The following AGL variants were observed in gnomAD, a reference collection of about 807,000 sequenced individuals.
The protein encoded by AGL is glycogen debranching enzyme.
AGL carries 128 observed loss-of-function variants against 199.3 expected under a neutral mutation model. The ratio of observed to expected loss-of-function variants is 0.64; its 90% CI spans 0.56 to 0.74. The LOEUF is 0.74. AGL is among the 30% of genes least tolerant of loss of function. The pLI is 0.00. For synonymous variants in AGL, 584 were observed against 594.7 expected (o/e 0.98, Z 0.26); for missense variants, 1,809 against 1,820.8 (o/e 0.99, Z 0.12).
intron 12 of AGL, among the ~76,000 whole-genome samples, chr1:99,879,648 G>C (rs1651843595): frequency 6.6e-6 from 1 of 152,024 alleles, no homozygotes; most frequent in African/African-American, 2.4e-5. Flanking sequence ...CAGAATTGTA[G>C]TGTTATGATT....
At chr1:99,896,644 A>G (rs1172635199) in intron 25 of AGL, among the ~76,000 whole-genome samples, 1 of 152,162 alleles carries the variant, frequency 6.6e-6, no homozygotes, top group Non-Finnish European at 1.5e-5. Flanking sequence ...ATTTATTTCA[A>G]CAAAACTAAA....
At chr1:99,851,727 G>A (rs1320470896) in intron 2 of AGL, among the ~76,000 whole-genome samples, 2 of 152,070 alleles carry the variant, frequency 1.3e-5, no homozygotes, top group Non-Finnish European at 2.9e-5. Flanking sequence ...TTTCTACAAG[G>A]CTAGTTAATA....
At chr1:99,917,846 A>T (rs1413099629) in intron 33 of AGL, among the ~76,000 whole-genome samples, 1 of 152,136 alleles carries the variant, frequency 6.6e-6, no homozygotes, top group African/African-American at 2.4e-5. Flanking sequence ...TGCTATCATC[A>T]TCATCCATTT....
At chr1:99,891,912 AC>A (rs1652927141) in intron 23 of AGL, among the ~76,000 whole-genome samples, 173 bp downstream of exon 23, 1 of 152,152 alleles carries the variant, frequency 6.6e-6, no homozygotes, top group African/African-American at 2.4e-5. Context: ...GCATACAAAA[AC>A]AAACTTGAAT....
chr1:99,878,496 A>G (rs1651747964), intron 12 of AGL, among the ~76,000 whole-genome samples: 1 of 152,116 alleles, frequency 6.6e-6, no homozygotes, highest in African/African-American at 2.4e-5. Context: ...AGCTCTTTAC[A>G]ATAACTTCTG....
intron 10 of AGL, 95 bp from the exon 11 acceptor site, chr1:99,876,363 T>C: frequency 1.0e-6 from 1 of 959,858 alleles, no homozygotes; most frequent in Non-Finnish European, 1.5e-6. Flanking sequence ...TTTATTCTAT[T>C]CATTAGAAAA....
At position 99,915,478 on chromosome 1, in the gene AGL, A is replaced by G; in HGVS notation, c.4251A>G (p.Leu1417=). The G allele has an allele frequency of 1.9e-6, 3 of 1,605,134 alleles. No homozygotes were observed. The highest frequency in any genetic ancestry group is 2.6e-6 in the Non-Finnish European group (3 of 1,171,916). The change falls in exon 31 of 34, where the codon TTA becomes TTG. Residue 1417 remains leucine, a synonymous_variant. Transcript: ENST00000361915. ...KLLGPLGMKT[L]DPDDMVYCGI... is the part of the protein sequence containing the mutation. ...TTGGTCCCCTTGGCATGAAAACTTT[A>G]GATCCAGAGTAAGTTGGAATATAAG... is the stretch of plus-strand genomic sequence containing the variant.
Position 99,858,443 on chromosome 1 carries a change from A to G in AGL, c.83-3060A>G, listed in dbSNP as rs569460609. On this transcript the variant is annotated intron_variant, in intron 2 of 33. Transcript: ENST00000361915. ...GCAAATCTTTGCAGCTTTTCAGGCA[A>G]TGCACTCCCTATTGGAGCGACTCAA... Among the ~76,000 whole-genome samples, 12 of 152,318 alleles carry G rather than the reference A, an allele frequency of 7.9e-5. No homozygotes were observed. The East Asian group carries it at 1.3e-3, about 17-fold the overall frequency.
In AGL at chr1:99,858,973, G is replaced by A. The variant is rs186749912; in HGVS notation, c.83-2530G>A. The stretch of plus-strand genomic sequence containing the variant: ...GGAATTATTGGGGTTTTTTCCTGAA[G>A]GTAGAGCACTGATCCAAATACTGTT... On this transcript the variant is annotated intron_variant, in intron 2 of 33. Transcript: ENST00000361915. 3.0e-3 allele frequency among the ~76,000 whole-genome samples: 457 copies of A among 152,054 alleles called. 2 individuals carry two copies. Among genetic ancestry groups the A allele is most frequent in the African/African-American group, 0.011 (448 of 41,514 alleles).
chr1:99,918,087 A>G (rs912962346), intron 33 of AGL, among the ~76,000 whole-genome samples: 2 of 152,162 alleles, frequency 1.3e-5, no homozygotes, highest in Non-Finnish European at 2.9e-5. Flanking sequence ...CCTCCTCATG[A>G]TGAATTCTTT....
intron 2 of AGL, among the ~76,000 whole-genome samples, chr1:99,858,264 G>A (rs78812412): frequency 0.013 from 1,915 of 152,272 alleles, 31 homozygotes; most frequent in African/African-American, 0.044. Flanking sequence ...ATAACAAGTA[G>A]CATTAGATAG....
intron 33 of AGL, among the ~76,000 whole-genome samples, chr1:99,918,195 CT>C: frequency 6.6e-6 from 1 of 152,182 alleles, no homozygotes; most frequent in South Asian, 2.1e-4. Context: ...CTCTTTCATA[CT>C]TTAAGGTGGT....
intron 27 of AGL, among the ~76,000 whole-genome samples, chr1:99,909,013 A>C (rs1428869669): frequency 6.6e-6 from 1 of 152,068 alleles, no homozygotes; most frequent in Non-Finnish European, 1.5e-5. Context: ...ATACAGCTTT[A>C]AAGCGTGGTT....
chr1:99,911,887 A>G (rs148473095), intron 28 of AGL, among the ~76,000 whole-genome samples: 1,988 of 152,296 alleles, frequency 0.013, 26 homozygotes, highest in Middle Eastern at 0.088. Flanking sequence ...GTTTGAAACC[A>G]GCTTGGGCAA....
rs1353062665 is a variant in AGL at position 99,916,596 on chromosome 1, A to G, written c.4348-2A>G. On this transcript the variant is annotated splice_acceptor_variant, in intron 32 of 33. Transcript: ENST00000361915. LOFTEE classifies it high-confidence loss of function. ...TTTTGTCTTTTAAATAATCTTTTTTAGGAGTGGCTGTGGCCTATTGGGTAT... is the reference window on the plus strand; with the variant it reads ...TTTTGTCTTTTAAATAATCTTTTTTGGGAGTGGCTGTGGCCTATTGGGTAT... The G allele has an allele frequency of 1.9e-6, 3 of 1,612,874 alleles. No homozygotes were observed. Among genetic ancestry groups the G allele is most frequent in the Non-Finnish European group, 2.5e-6 (3 of 1,179,424 alleles).
chr1:99,892,999 A>T (rs563512771), intron 24 of AGL, among the ~76,000 whole-genome samples: 1 of 152,184 alleles, frequency 6.6e-6, no homozygotes, highest in Non-Finnish European at 1.5e-5. Flanking sequence ...AACAAAACAG[A>T]TGTTAAATAA....
intron 20 of AGL, among the ~76,000 whole-genome samples, chr1:99,887,149 TA>T (rs1652512577): frequency 6.6e-6 from 1 of 152,100 alleles, no homozygotes; most frequent in African/African-American, 2.4e-5. Context: ...GAGCCAGAAC[TA>T]AATGGGAAAG....
chr1:99,859,066 A>C (rs1487600390), intron 2 of AGL, among the ~76,000 whole-genome samples: 1 of 152,112 alleles, frequency 6.6e-6, no homozygotes, highest in Non-Finnish European at 1.5e-5. Flanking sequence ...AATTATAAAA[A>C]CAGTATTTGT....
chr1:99,922,497 T>C lies in AGL; in HGVS notation c.*846T>C, dbSNP rs572916970. 18 of 151,948 alleles carry C rather than the reference T, an allele frequency of 1.2e-4. No homozygotes were observed. The South Asian group carries it at 3.3e-3, about 28-fold the overall frequency. 9.4% of individuals were successfully genotyped at this position (151,948 alleles called of 1,614,324 possible). A position where few individuals can be genotyped will look rare whatever the true frequency, so the allele number is the denominator to read the frequency against. ...GCTAGATCATAGTAGATACTGGTTT[T>C]CTATTAACTCAAAACCTACATTGAC... is the stretch of plus-strand genomic sequence containing the variant. On this transcript the variant is annotated 3_prime_UTR_variant, in exon 34 of 34. Coordinates refer to ENST00000361915, the MANE Select transcript of AGL (RefSeq NM_000642.3).
Sources: allele counts gnomAD v4.1 joint callset (sites outside exome capture counted in the v4.1 genomes callset), GRCh38; gene constraint gnomAD v4.1.1; transcripts MANE v1.5; gene names NCBI Gene and HGNC (gene_info 2026-07-23, HGNC 2026-07-21).